The following TRMT11 variants were observed in gnomAD, a reference collection of about 807,000 sequenced individuals.
TRMT11 encodes tRNA (guanine(10)-N(2))-methyltransferase TRMT11.
TRMT11 carries 53 observed loss-of-function variants against 62.8 expected under a neutral mutation model. The ratio of observed to expected loss-of-function variants is 0.84; its 90% CI spans 0.68 to 1.06. The LOEUF is 1.06. Among genes scored for constraint, TRMT11 ranks in the 50% least tolerant of loss-of-function variants. The pLI is 0.00. For missense variants in TRMT11, 556 were observed against 553.4 expected (o/e 1.00, Z -0.05); for synonymous variants, 188 against 190.3 (o/e 0.99, Z 0.10).
At chr6:126,108,918 C>T (rs941736055) in intron 17 of TRMT11, among the ~76,000 whole-genome samples, 3 of 152,186 alleles carry the variant, frequency 2.0e-5, no homozygotes, top group Non-Finnish European at 4.4e-5. Flanking sequence ...TGGAATTAAT[C>T]GTTTGGTAAT....
At chr6:126,018,907 T>C (rs1795384177) in intron 11 of TRMT11, among the ~76,000 whole-genome samples, 1 of 152,100 alleles carries the variant, frequency 6.6e-6, no homozygotes, top group Non-Finnish European at 1.5e-5. Flanking sequence ...TTTGAGACAA[T>C]TTCGCTCTTG....
downstream of TRMT11, among the ~76,000 whole-genome samples, chr6:126,203,415 T>G (rs1300042640): frequency 6.6e-6 from 1 of 152,202 alleles, no homozygotes; most frequent in African/African-American, 2.4e-5. Flanking sequence ...TCAGTAAATT[T>G]GTACCCTTCC....
intron 17 of TRMT11, among the ~76,000 whole-genome samples, chr6:126,082,048 C>G (rs937936603): frequency 2.0e-5 from 3 of 152,064 alleles, no homozygotes; most frequent in Non-Finnish European, 4.4e-5. Flanking sequence ...TGTGAGCTTC[C>G]CATTATGAAT....
At chr6:126,152,269 TA>T (rs398002786) in intron 21 of TRMT11, among the ~76,000 whole-genome samples, 32,579 of 134,424 alleles carry the variant, frequency 0.24, 3,797 homozygotes, top group African/African-American at 0.32. Flanking sequence ...ACCAAATGGC[TA>T]AAAAAAAAAA....
the TRMT11 span, among the ~76,000 whole-genome samples, chr6:126,210,128 T>C: frequency 3.2e-3 from 481 of 152,318 alleles, 2 homozygotes; most frequent in African/African-American, 0.011. Flanking sequence ...CCTAGTAAGA[T>C]GATTTTTTGT....
intron 21 of TRMT11, among the ~76,000 whole-genome samples, chr6:126,130,525 G>A (rs1236293274): frequency 1.3e-5 from 2 of 152,064 alleles, no homozygotes; most frequent in African/African-American, 2.4e-5. Flanking sequence ...AATGTGCCTG[G>A]AGAAGAAGAA....
the TRMT11 span, chr6:126,258,373 C>A: frequency 1.1e-5 from 4 of 358,572 alleles, no homozygotes; most frequent in Non-Finnish European, 2.2e-5. Flanking sequence ...GTGCATCAGT[C>A]CCCTCACTGT....
intron 11 of TRMT11, among the ~76,000 whole-genome samples, chr6:126,015,545 A>G (rs1794880022): frequency 6.6e-6 from 1 of 152,032 alleles, no homozygotes; most frequent in South Asian, 2.1e-4. Context: ...AAACCATTTG[A>G]GAAGTTGTTG....
the TRMT11 span, among the ~76,000 whole-genome samples, chr6:126,240,156 T>A: frequency 1.3e-5 from 2 of 152,340 alleles, no homozygotes; most frequent in Admixed American, 6.5e-5. Flanking sequence ...GGGTTCAAAC[T>A]TCCTCCTTTA....
At chr6:126,227,840 G>C in the TRMT11 span, among the ~76,000 whole-genome samples, 1 of 152,126 alleles carries the variant, frequency 6.6e-6, no homozygotes, top group Non-Finnish European at 1.5e-5. Context: ...TTGGAAATGA[G>C]GCCACTTCCT....
At chr6:126,077,182 A>C (rs536199467) in intron 17 of TRMT11, among the ~76,000 whole-genome samples, 1 of 152,184 alleles carries the variant, frequency 6.6e-6, no homozygotes, top group Admixed American at 6.5e-5. Context: ...CCTAAATCAC[A>C]TGACATTTGT....
chr6:126,061,023 A>G (rs1057084277), intron 17 of TRMT11, among the ~76,000 whole-genome samples: 1 of 152,224 alleles, frequency 6.6e-6, no homozygotes, highest in African/African-American at 2.4e-5. Context: ...GTTTCTAGGA[A>G]CTGGAAGTGC....
chr6:126,167,819 A>C (rs892394730), intron 21 of TRMT11, among the ~76,000 whole-genome samples: 2 of 152,058 alleles, frequency 1.3e-5, no homozygotes, highest in African/African-American at 4.8e-5. Context: ...CCTCGGACAT[A>C]TGTTTCTGGG....
chr6:126,012,965 T>G lies in TRMT11; in HGVS notation c.1008-5T>G. 1 of 1,610,626 alleles carries G rather than the reference T, an allele frequency of 6.2e-7. No homozygotes were observed. Among genetic ancestry groups the G allele is most frequent in the Non-Finnish European group, 8.5e-7 (1 of 1,177,972 alleles). On this transcript the variant is annotated splice_region_variant and splice_polypyrimidine_tract_variant and intron_variant, in intron 10 of 12. Transcript: ENST00000334379. ...TGATTTTGAAATTTTCTTTTCTTTG[T>G]GTAGTCCAGAAAGCCATGTTCCTGT...
At chr6:126,076,969 G>T (rs1777041972) in intron 17 of TRMT11, among the ~76,000 whole-genome samples, 1 of 152,140 alleles carries the variant, frequency 6.6e-6, no homozygotes, top group South Asian at 2.1e-4. Flanking sequence ...AGAAGGTTTT[G>T]CAAATATCAA....
the TRMT11 span, among the ~76,000 whole-genome samples, chr6:126,219,460 C>CA: frequency 6.6e-6 from 1 of 152,174 alleles, no homozygotes; most frequent in South Asian, 2.1e-4. Flanking sequence ...TAGAGCCTAC[C>CA]AGCATCAGAC....
At chr6:126,120,972 C>T (rs1470224801) in intron 21 of TRMT11, among the ~76,000 whole-genome samples, 2 of 152,060 alleles carry the variant, frequency 1.3e-5, no homozygotes, top group East Asian at 3.9e-4. Flanking sequence ...GGTGATCTTC[C>T]CTTCACCTGG....
chr6:126,086,542 T>C (rs1178163611), intron 17 of TRMT11, among the ~76,000 whole-genome samples: 1 of 152,224 alleles, frequency 6.6e-6, no homozygotes, highest in Non-Finnish European at 1.5e-5. Context: ...TCAAGCAGAT[T>C]GCTGTGTCTA....
intron 17 of TRMT11, among the ~76,000 whole-genome samples, chr6:126,085,948 A>T (rs1431636547): frequency 6.6e-6 from 1 of 152,122 alleles, no homozygotes; most frequent in African/African-American, 2.4e-5. Flanking sequence ...ACCTACTGCT[A>T]CTCTAAAAAG....
Sources: gnomAD v4.1 joint callset for allele counts (sites outside exome capture counted in the v4.1 genomes callset) on GRCh38, gnomAD v4.1.1 for gene constraint, MANE v1.5 for transcripts, NCBI Gene and HGNC (gene_info 2026-07-23, HGNC 2026-07-21) for gene names.